The following TMEM131L variants were observed in gnomAD, a reference collection of about 807,000 sequenced individuals.
The protein encoded by TMEM131L is transmembrane 131 like.
In TMEM131L, 54 loss-of-function variants were observed where a neutral mutation model predicts 192.2. The observed-to-expected ratio is 0.28, with a 90% CI of 0.23 to 0.35. TMEM131L has a LOEUF of 0.35. TMEM131L is among the 10% of genes least tolerant of loss of function. The pLI is 1.00. For missense variants in TMEM131L, 1,888 were observed against 1,972.9 expected, an observed-to-expected ratio of 0.96 and a Z score of 0.82; for synonymous variants, 701 against 704.9, an observed-to-expected ratio of 0.99 and a Z score of 0.09.
intron 34 of TMEM131L, 116 bp downstream of exon 34, chr4:153,635,687 G>T: frequency 8.3e-7 from 1 of 1,211,292 alleles, no homozygotes; most frequent in Non-Finnish European, 1.1e-6. Flanking sequence ...GCCAAAGCCT[G>T]GCTTGCTTCT....
At chr4:153,467,563 T>TGG (rs1412273976) in intron 2 of TMEM131L, among the ~76,000 whole-genome samples, 2 of 152,204 alleles carry the variant, frequency 1.3e-5, no homozygotes, top group Non-Finnish European at 2.9e-5. Context: ...CGGCCGTGGG[T>TGG]GTCCTGGGTG....
At chr4:153,482,518 A>C (rs1732019674) in intron 3 of TMEM131L, among the ~76,000 whole-genome samples, 1 of 152,192 alleles carries the variant, frequency 6.6e-6, no homozygotes, top group Admixed American at 6.5e-5. Context: ...AGTTGAAATA[A>C]ATCAGAAAAA....
chr4:153,577,732 T>C (rs1207508718), intron 7 of TMEM131L, among the ~76,000 whole-genome samples: 3 of 152,104 alleles, frequency 2.0e-5, no homozygotes, highest in Non-Finnish European at 4.4e-5. Context: ...ATGGATTTGT[T>C]TGAGGAGAGT....
rs536426815 is a variant in TMEM131L, at chr4:153,634,300, T to C, written c.4417+20T>C. 6.4e-7 allele frequency: 1 copy of C among 1,554,722 alleles called. No homozygotes were observed. The highest frequency in any genetic ancestry group is 1.4e-5 in the African/African-American group (1 of 73,834). ...CAGAAGGTAAGGGCTCTTCAGACAATCCCAACGCCATTATTTTATTCTTAG... is the reference window on the plus strand; with the variant it reads ...CAGAAGGTAAGGGCTCTTCAGACAACCCCAACGCCATTATTTTATTCTTAG... On this transcript the variant is annotated intron_variant, in intron 33 of 34. Coordinates refer to ENST00000409959, the MANE Select transcript of TMEM131L (RefSeq NM_001131007.2).
chr4:153,482,103 C>A (rs1731987495), intron 3 of TMEM131L, among the ~76,000 whole-genome samples: 1 of 152,188 alleles, frequency 6.6e-6, no homozygotes, highest in African/African-American at 2.4e-5. Context: ...CTCGGCCTCC[C>A]AAAGTGCTGG....
At position 153,466,364 on chromosome 4, in the gene TMEM131L, G is replaced by T; in HGVS notation, c.-34G>T. On this transcript the variant is annotated 5_prime_UTR_variant, in exon 1 of 35. Coordinates refer to ENST00000409959, the MANE Select transcript of TMEM131L (RefSeq NM_001131007.2). ...GGGCGCCAGCGAGCTAGCGGCGAGC[G>T]CGGCGAGCAACGGAGAGGAGCGCGA... 8.1e-7 allele frequency: 1 copy of T among 1,230,278 alleles called. No individual in the cohort carries two copies. Among genetic ancestry groups the T allele is most frequent in the African/African-American group, 1.6e-5 (1 of 63,480 alleles). 76.2% of individuals were successfully genotyped at this position (1,230,278 alleles called of 1,614,324 possible).
intron 26 of TMEM131L, among the ~76,000 whole-genome samples, chr4:153,614,042 C>T (rs555322512): frequency 6.6e-6 from 1 of 152,136 alleles, no homozygotes; most frequent in Admixed American, 6.5e-5. Context: ...GCCAGGGTGC[C>T]GTGGAAAGCT....
intron 3 of TMEM131L, among the ~76,000 whole-genome samples, chr4:153,539,561 G>A (rs76333199): frequency 0.021 from 2,878 of 137,106 alleles, 104 homozygotes; most frequent in African/African-American, 0.074. Flanking sequence ...CATATTGTCT[G>A]GGTATTCTGA....
chr4:153,513,487 G>A (rs1342149021), intron 3 of TMEM131L, among the ~76,000 whole-genome samples: 1 of 152,166 alleles, frequency 6.6e-6, no homozygotes, highest in Non-Finnish European at 1.5e-5. Flanking sequence ...AGGCAGCATA[G>A]GTGTTCTTGT....
chr4:153,497,977 T>A (rs576790943), intron 3 of TMEM131L, among the ~76,000 whole-genome samples: 1 of 152,150 alleles, frequency 6.6e-6, no homozygotes, highest in South Asian at 2.1e-4. Flanking sequence ...AGGGTTCTGA[T>A]GGCAGAGATC....
chr4:153,513,770 T>C (rs1293819135), intron 3 of TMEM131L, among the ~76,000 whole-genome samples: 2 of 152,132 alleles, frequency 1.3e-5, no homozygotes, highest in Non-Finnish European at 1.5e-5. Context: ...CTTGTGTAAA[T>C]TAATGTGGTT....
intron 29 of TMEM131L, among the ~76,000 whole-genome samples, chr4:153,623,878 A>C (rs1733629995): frequency 6.7e-6 from 1 of 149,470 alleles, no homozygotes; most frequent in Admixed American, 6.7e-5. Context: ...AGAACTAACA[A>C]CTCTTAATTT....
chr4:153,480,794 C>T (rs1731889129), intron 3 of TMEM131L, among the ~76,000 whole-genome samples: 1 of 152,172 alleles, frequency 6.6e-6, no homozygotes, highest in African/African-American at 2.4e-5. Flanking sequence ...CATACCTTCT[C>T]CCCAGAGTTC....
At chr4:153,612,597 A>C (rs1471800667) in intron 26 of TMEM131L, among the ~76,000 whole-genome samples, 197 bp downstream of exon 26, 1 of 152,226 alleles carries the variant, frequency 6.6e-6, no homozygotes, top group South Asian at 2.1e-4. Flanking sequence ...TAGAGAAACC[A>C]GATAGCTTTT....
rs559069757 is a variant in TMEM131L at position 153,522,114 on chromosome 4, A to C, written c.240-27959A>C. On this transcript the variant is annotated intron_variant, in intron 3 of 34. Transcript: ENST00000409959. ...GGTGTGAGAGGAACTGTTGAATGTA[A>C]ATTTTCAAGAGAGTGAGAAATCAAG... 2.6e-5 allele frequency among the ~76,000 whole-genome samples: 4 copies of C among 152,102 alleles called. No homozygotes were observed. In the South Asian group the frequency reaches 8.3e-4, roughly 32 times the overall value.
chr4:153,583,589 A>G lies in TMEM131L; in HGVS notation c.977A>G (p.Asp326Gly). ...GATATACGCCATTTCTCACAGAGAG[A>G]TGCTCTGTCTCTGCAGTTTGAACCA... Reference protein sequence around the residue: ...IQDIRHFSQRDALSLQFEPVL... With the variant: ...IQDIRHFSQRGALSLQFEPVL... Residue 326 changes from aspartate (D) to glycine (G), a missense_variant, in exon 11 of 35, where the codon GAT becomes GGT. Physicochemically the swap from Asp to Gly is moderately conservative, Grantham distance 94 (BLOSUM62 -1). Transcript: ENST00000409959. 6.2e-7 allele frequency: 1 copy of G among 1,610,380 alleles called. No homozygotes were observed. The highest frequency in any genetic ancestry group is 1.1e-5 in the South Asian group (1 of 90,484).
At chr4:153,536,084 A>T (rs953783972) in intron 3 of TMEM131L, among the ~76,000 whole-genome samples, 2 of 152,140 alleles carry the variant, frequency 1.3e-5, no homozygotes, top group Non-Finnish European at 2.9e-5. Flanking sequence ...TCTGCATAGG[A>T]TTCATACCGT....
At chr4:153,532,739 A>G (rs1312633476) in intron 3 of TMEM131L, among the ~76,000 whole-genome samples, 3 of 152,236 alleles carry the variant, frequency 2.0e-5, no homozygotes, top group African/African-American at 4.8e-5. Context: ...GTTTTTATAA[A>G]TAGTCATAAA....
In TMEM131L at chr4:153,554,004, T is replaced by A. The variant is rs568185786; in HGVS notation, c.309-1783T>A. Reference sequence around the variant, plus strand: ...TCTGGTGGTGCAGTCACTGGCTCTGTAGCATTGCTGTTTTGCATTCTTATT... The same window carrying A: ...TCTGGTGGTGCAGTCACTGGCTCTGAAGCATTGCTGTTTTGCATTCTTATT... On this transcript the variant is annotated intron_variant, in intron 4 of 34. Transcript: ENST00000409959. Among the ~76,000 whole-genome samples the A allele has an allele frequency of 2.6e-5, 4 of 152,374 alleles. No homozygotes were observed. The South Asian group carries it at 8.3e-4, about 32-fold the overall frequency.
Sources: gnomAD v4.1 joint callset for allele counts (sites outside exome capture counted in the v4.1 genomes callset) on GRCh38, gnomAD v4.1.1 for gene constraint, MANE v1.5 for transcripts, NCBI Gene and HGNC (gene_info 2026-07-23, HGNC 2026-07-21) for gene names.